PIK3CB: variants seen among roughly 807,000 people sequenced by gnomAD.
PIK3CB encodes the protein phosphatidylinositol 4,5-bisphosphate 3-kinase catalytic subunit beta isoform.
In PIK3CB, 39 loss-of-function variants were observed where a neutral mutation model predicts 136.8. That is an observed-to-expected ratio of 0.29 (90% CI 0.22 to 0.37). The LOEUF is 0.37. PIK3CB is among the 10% of genes least tolerant of loss of function. The probability of loss-of-function intolerance (pLI) is 1.00; values close to 1 mark genes in which losing one functional copy is unlikely to be tolerated. For missense variants in PIK3CB, 868 were observed against 1,275.4 expected, an observed-to-expected ratio of 0.68 and a Z score of 4.87; for synonymous variants, 428 against 436.6, an observed-to-expected ratio of 0.98 and a Z score of 0.25.
intron 14 of PIK3CB, among the ~76,000 whole-genome samples, chr3:138,691,909 C>A (rs1380775715): frequency 2.6e-5 from 4 of 152,174 alleles, no homozygotes; most frequent in African/African-American, 4.8e-5. Flanking sequence ...AGTACTTTCA[C>A]AATTTATTTT....
At chr3:138,682,500 T>C (rs977163483) in intron 18 of PIK3CB, among the ~76,000 whole-genome samples, 2 of 152,214 alleles carry the variant, frequency 1.3e-5, no homozygotes, top group African/African-American at 4.8e-5. Flanking sequence ...ACTGTTTGTA[T>C]TACACTGTAT....
intron 19 of PIK3CB, among the ~76,000 whole-genome samples, chr3:138,672,861 A>G (rs1159037823): frequency 6.6e-6 from 1 of 150,888 alleles, no homozygotes; most frequent in East Asian, 1.9e-4. Flanking sequence ...GCAGTTAGCC[A>G]AGATCGTGCC....
At chr3:138,691,928 G>A (rs2044017367) in intron 14 of PIK3CB, among the ~76,000 whole-genome samples, 1 of 152,088 alleles carries the variant, frequency 6.6e-6, no homozygotes, top group African/African-American at 2.4e-5. Context: ...TTCCTTTGCT[G>A]TTATTAGGGT....
intron 2 of PIK3CB, chr3:138,778,217 T>C: frequency 2.2e-6 from 1 of 458,160 alleles, no homozygotes. Context: ...CCCATGTTTG[T>C]AATGGGCATG....
chr3:138,731,039 G>A (rs2044961223), intron 8 of PIK3CB, among the ~76,000 whole-genome samples: 1 of 152,136 alleles, frequency 6.6e-6, no homozygotes, highest in African/African-American at 2.4e-5. Flanking sequence ...TCAAGTTATA[G>A]AACAATGTAC....
intron 12 of PIK3CB, among the ~76,000 whole-genome samples, chr3:138,701,456 A>G (rs2044250573): frequency 6.6e-6 from 1 of 152,102 alleles, no homozygotes; most frequent in Non-Finnish European, 1.5e-5. Flanking sequence ...TAAAAATGCC[A>G]TTTTTTAAAG....
chr3:138,827,671 C>T (rs1171220775), intron 1 of PIK3CB, among the ~76,000 whole-genome samples: 1 of 150,028 alleles, frequency 6.7e-6, no homozygotes, highest in East Asian at 2.0e-4. Flanking sequence ...AGAACCAGAC[C>T]TGGTCTCTTC....
At position 138,707,378 on chromosome 3, in the gene PIK3CB, C is replaced by T. The variant is rs545587959; in HGVS notation, c.1400-89G>A. On this transcript the variant is annotated intron_variant, in intron 10 of 23. Coordinates refer to ENST00000674063, the MANE Select transcript of PIK3CB (RefSeq NM_006219.3). ...GTAATGGATCTCCTCCCATGAAAAT[C>T]ACCTTAGAAGTATGTCAACTACAGA... 3 of 1,471,592 alleles carry T rather than the reference C, an allele frequency of 2.0e-6. No homozygotes were observed. In the South Asian group the frequency reaches 4.3e-5, roughly 21 times the overall value. The allele number at this position is 1,471,592 out of a possible 1,614,324, so 91.2% of individuals were successfully genotyped here.
At chr3:138,800,127 A>G (rs573703929) in intron 1 of PIK3CB, among the ~76,000 whole-genome samples, 1 of 152,244 alleles carries the variant, frequency 6.6e-6, no homozygotes, top group East Asian at 1.9e-4. Context: ...CTGCCACTTC[A>G]TAACATTTAC....
chr3:138,820,870 T>C (rs1317287180), intron 1 of PIK3CB, among the ~76,000 whole-genome samples: 1 of 152,190 alleles, frequency 6.6e-6, no homozygotes, highest in African/African-American at 2.4e-5. Context: ...GTAATTCCCC[T>C]AGTGAAAAAC....
chr3:138,782,231 G>A (rs1231396296), intron 2 of PIK3CB, among the ~76,000 whole-genome samples: 1 of 152,170 alleles, frequency 6.6e-6, no homozygotes, highest in African/African-American at 2.4e-5. Context: ...AGGCCATGAT[G>A]CAGTTTGTAC....
chr3:138,713,202 AG>A (rs1399165698), intron 9 of PIK3CB, among the ~76,000 whole-genome samples: 3 of 150,960 alleles, frequency 2.0e-5, no homozygotes, highest in African/African-American at 7.3e-5. Flanking sequence ...TTTTGGAGAC[AG>A]GATCTCACCA....
intron 2 of PIK3CB, among the ~76,000 whole-genome samples, chr3:138,768,729 T>A (rs1012741072): frequency 2.0e-5 from 3 of 152,118 alleles, no homozygotes; most frequent in Admixed American, 6.5e-5. Context: ...GCCCAAAATC[T>A]GGAGGGGGCC....
chr3:138,664,927 T>C (rs2043376191), intron 20 of PIK3CB, 109 bp downstream of exon 20: 3 of 630,800 alleles, frequency 4.8e-6, no homozygotes, highest in Non-Finnish European at 7.7e-6. Context: ...AAGCAATAGA[T>C]AAAAAACACT....
intron 2 of PIK3CB, among the ~76,000 whole-genome samples, chr3:138,785,149 G>A (rs1286273550): frequency 1.3e-5 from 2 of 151,476 alleles, no homozygotes. Context: ...GGAGATGGGG[G>A]GCAGCCCCCG....
chr3:138,832,941 G>A (rs1266123490), intron 1 of PIK3CB, among the ~76,000 whole-genome samples: 1 of 150,948 alleles, frequency 6.6e-6, no homozygotes, highest in South Asian at 2.1e-4. Flanking sequence ...GAACCCAGGA[G>A]GCGGAGGTTG....
At chr3:138,660,616 C>T (rs1446328680) in intron 21 of PIK3CB, among the ~76,000 whole-genome samples, 2 of 152,084 alleles carry the variant, frequency 1.3e-5, no homozygotes, top group African/African-American at 4.8e-5. Flanking sequence ...GGAATAAGTT[C>T]AACAGATCTG....
chr3:138,661,274 A>G (rs2043290958), intron 21 of PIK3CB, among the ~76,000 whole-genome samples: 2 of 152,180 alleles, frequency 1.3e-5, no homozygotes, highest in African/African-American at 4.8e-5. Flanking sequence ...TAACTGTTCC[A>G]TATATAAGCT....
intron 12 of PIK3CB, among the ~76,000 whole-genome samples, chr3:138,699,931 G>A (rs2044213685): frequency 6.6e-6 from 1 of 152,082 alleles, no homozygotes; most frequent in Non-Finnish European, 1.5e-5. Context: ...GCCAGGTATG[G>A]TGGCTCACGC....
Sources: gnomAD v4.1 joint callset for allele counts (sites outside exome capture counted in the v4.1 genomes callset) on GRCh38, gnomAD v4.1.1 for gene constraint, MANE v1.5 for transcripts, NCBI Gene and HGNC (gene_info 2026-07-23, HGNC 2026-07-21) for gene names.